Variants in TCF7 observed in about 807,000 individuals in gnomAD.
TCF7 encodes the protein transcription factor 7.
In TCF7, 19 loss-of-function variants were observed where a neutral mutation model predicts 46.8. The ratio of observed to expected loss-of-function variants is 0.41; its 90% CI spans 0.28 to 0.60. The LOEUF (loss-of-function observed/expected upper bound fraction) is 0.60, where lower values mean the gene tolerates loss of function less well. Ranked by LOEUF, TCF7 falls within the 20% of genes least tolerant of loss-of-function variation. The pLI, the probability that TCF7 is intolerant of heterozygous loss-of-function variation, is 0.35. For synonymous variants in TCF7, 245 were observed against 213.4 expected (o/e 1.15, Z -1.29); for missense variants, 547 against 504.6 (o/e 1.08, Z -0.81).
chr5:134,143,221 C>CA, intron 8 of TCF7, 121 bp downstream of exon 8: 1 of 1,108,852 alleles, frequency 9.0e-7, no homozygotes, highest in South Asian at 1.4e-5. Flanking sequence ...TGAGGAAGGG[C>CA]ACGGAGGGTC....
Position 134,143,008 on chromosome 5 carries a change from C to G in TCF7, c.934C>G (p.Arg312Gly). 8 of 1,612,864 alleles carry G rather than the reference C, an allele frequency of 5.0e-6. No individual in the cohort carries two copies. The highest frequency in any genetic ancestry group is 6.8e-6 in the Non-Finnish European group (8 of 1,179,410). ...CCTGTTGCAGTGGCACGCGCTGTCG[C>G]GAGAAGAGCAGGCCAAGTACTATGA... Reference protein sequence around the residue: ...ILGRRWHALSREEQAKYYELA... With the variant: ...ILGRRWHALSGEEQAKYYELA... The change falls in exon 8 of 10, where the codon CGA (arginine) becomes GGA (glycine). Residue 312 changes from arginine (R) to glycine (G), a missense_variant. This residue lies in a region of TCF7 where 32 missense variants were observed against 65.9 expected (regional missense o/e 0.49). Transcript: ENST00000342854.
intron 5 of TCF7, 170 bp downstream of exon 5, chr5:134,139,208 T>TACATGAGGACCCCTAG: frequency 3.9e-6 from 4 of 1,033,306 alleles, no homozygotes; most frequent in South Asian, 1.7e-5. Context: ...GAGCTAGGGG[T>TACATGAGGACCCCTAG]CCTCATGTAC....
intron 4 of TCF7, chr5:134,138,706 G>C: frequency 1.9e-6 from 1 of 523,180 alleles, no homozygotes; most frequent in African/African-American, 1.9e-5. Flanking sequence ...AGTGACTTCA[G>C]CTCTGCCTAC....
intron 9 of TCF7, chr5:134,144,632 C>CA (rs1760402561): frequency 1.6e-6 from 1 of 610,154 alleles, no homozygotes; most frequent in African/African-American, 1.8e-5. Context: ...CTTGGGCTCC[C>CA]ACTGGGGCTG....
chr5:134,128,646 G>A (rs1757682627), intron 3 of TCF7, among the ~76,000 whole-genome samples: 1 of 151,046 alleles, frequency 6.6e-6, no homozygotes, highest in South Asian at 2.1e-4. Flanking sequence ...AAGAATGCAG[G>A]GCCAAGGCTG....
chr5:134,121,521 G>A (rs1180048010), intron 3 of TCF7, among the ~76,000 whole-genome samples: 6 of 151,612 alleles, frequency 4.0e-5, no homozygotes, highest in African/African-American at 1.5e-4. Context: ...CCCGGGAGGT[G>A]GAGGTTGCAG....
At chr5:134,109,294 G>A in the TCF7 span, among the ~76,000 whole-genome samples, 1 of 152,184 alleles carries the variant, frequency 6.6e-6, no homozygotes, top group East Asian at 1.9e-4. Flanking sequence ...CTCTCAGTGT[G>A]TCTGAGGCTG....
In TCF7 at chr5:134,142,135, G is replaced by C. The variant is rs1759891742; in HGVS notation, c.636-50G>C. On this transcript the variant is annotated intron_variant, in intron 5 of 9. Coordinates refer to ENST00000342854, the MANE Select transcript of TCF7 (RefSeq NM_003202.5). ...GCAGGGGCCTCTGTGTGTGTCCAAAGGTCTGGCCCATAATTCTTGGCTCAG... is the reference window on the plus strand; with the variant it reads ...GCAGGGGCCTCTGTGTGTGTCCAAACGTCTGGCCCATAATTCTTGGCTCAG... 3 of 1,612,754 alleles carry C rather than the reference G, an allele frequency of 1.9e-6. 1 individual carries two copies. Among genetic ancestry groups the C allele is most frequent in the Middle Eastern group, 1.6e-4 (1 of 6,078 alleles).
At chr5:134,143,903 C>T in intron 9 of TCF7, 1 of 466,460 alleles carries the variant, frequency 2.1e-6, no homozygotes, top group Non-Finnish European at 3.9e-6. Context: ...GCCTTGCACC[C>T]ACTACCTTTG....
chr5:134,123,642 G>T (rs1375861689), intron 3 of TCF7: 3 of 455,210 alleles, frequency 6.6e-6, no homozygotes, highest in Non-Finnish European at 1.3e-5. Context: ...GGTCTACGAA[G>T]GATGTGCGGT....
intron 5 of TCF7, chr5:134,141,601 A>C (rs1172639884): frequency 2.0e-5 from 3 of 152,386 alleles, no homozygotes; most frequent in Admixed American, 2.0e-4. Flanking sequence ...ATCTTTTGCG[A>C]GAAGAAAACA....
In TCF7 at chr5:134,114,927, C is replaced by T; in HGVS notation, c.21C>T (p.Gly7=). 2.5e-5 allele frequency: 27 copies of T among 1,068,676 alleles called. No homozygotes were observed. Among genetic ancestry groups the T allele is most frequent in the Non-Finnish European group, 3.0e-5 (26 of 876,560 alleles). The allele number at this position is 1,068,676 out of a possible 1,614,324, so 66.2% of individuals were successfully genotyped here. MPQLDS[G]GGGAGGGDDL... ...GCACCATGCCGCAGCTGGACTCCGG[C>T]GGGGGCGGCGCGGGCGGCGGCGACG... The change falls in exon 1 of 10, where the codon GGC becomes GGT. Residue 7 remains glycine, a synonymous_variant. Coordinates refer to ENST00000342854, the MANE Select transcript of TCF7 (RefSeq NM_003202.5).
Position 134,145,037 on chromosome 5 carries a change from C to T in TCF7, c.1076-1187C>T, listed in dbSNP as rs189413978. On this transcript the variant is annotated intron_variant, in intron 9 of 9. Coordinates refer to ENST00000342854, the MANE Select transcript of TCF7 (RefSeq NM_003202.5). Reference sequence around the variant, plus strand: ...GAATAGTAGTAAATACTGAACACAGCGCGTGGAGAAGACCACTTGGGTCTA... The same window carrying T: ...GAATAGTAGTAAATACTGAACACAGTGCGTGGAGAAGACCACTTGGGTCTA... 1.7e-5 allele frequency: 11 copies of T among 660,210 alleles called. No homozygotes were observed. The Admixed American group carries it at 1.8e-4, about 11-fold the overall frequency. The allele number at this position is 660,210 out of a possible 1,614,324, so 40.9% of individuals were successfully genotyped here.
At position 134,115,179 on chromosome 5, in the gene TCF7, C is replaced by T. The variant is rs1401134143; in HGVS notation, c.249+24C>T. On this transcript the variant is annotated intron_variant, in intron 1 of 9. Coordinates refer to ENST00000342854, the MANE Select transcript of TCF7 (RefSeq NM_003202.5). ...AGGTGAGCCCCCGCCGGCGCCGGCT[C>T]CTCCCCCGCGGTCGCCGCGCCGCGC... is the stretch of plus-strand genomic sequence containing the variant. 2.9e-5 allele frequency: 31 copies of T among 1,061,480 alleles called. No individual in the cohort carries two copies. The East Asian group carries it at 1.9e-3, about 66-fold the overall frequency. 65.8% of individuals were successfully genotyped at this position (1,061,480 alleles called of 1,614,324 possible). A position where few individuals can be genotyped will look rare whatever the true frequency, so the allele number is the denominator to read the frequency against.
At chr5:134,145,976 T>C in intron 9 of TCF7, 4 of 1,473,926 alleles carry the variant, frequency 2.7e-6, no homozygotes, top group South Asian at 1.4e-5. Flanking sequence ...GGAAGACAGA[T>C]GACAGCCCAT....
At chr5:134,110,581 A>G (rs244952), upstream of TCF7, among the ~76,000 whole-genome samples, 142,470 of 152,320 alleles carry the variant, frequency 0.94, 66,726 homozygotes, top group African/African-American at 0.98. Flanking sequence ...TAGGACCTGT[A>G]ACCGGGTTTT....
At chr5:134,116,959 G>A (rs907617922) in intron 3 of TCF7, among the ~76,000 whole-genome samples, 6 of 152,232 alleles carry the variant, frequency 3.9e-5, no homozygotes, top group African/African-American at 7.2e-5. Context: ...CTGGAGGCTC[G>A]CATGGCTACA....
At chr5:134,126,983 G>A (rs1757438123) in intron 3 of TCF7, among the ~76,000 whole-genome samples, 1 of 152,162 alleles carries the variant, frequency 6.6e-6, no homozygotes, top group Non-Finnish European at 1.5e-5. Flanking sequence ...GAGGCTCAGA[G>A]AGGATAAGGA....
chr5:134,133,480 A>G (rs773404071), intron 3 of TCF7, among the ~76,000 whole-genome samples: 3 of 151,866 alleles, frequency 2.0e-5, no homozygotes, highest in Non-Finnish European at 2.9e-5. Context: ...AGGTGACCCC[A>G]CCCTGTTGTC....
Sources: allele counts gnomAD v4.1 joint callset (sites outside exome capture counted in the v4.1 genomes callset), GRCh38; gene constraint gnomAD v4.1.1; regional missense constraint gnomAD v4.1.1; transcripts MANE v1.5; gene names NCBI Gene and HGNC (gene_info 2026-07-23, HGNC 2026-07-21).